The following ZNF124 variants were observed in gnomAD, a reference collection of about 807,000 sequenced individuals.
The protein encoded by ZNF124 is zinc finger protein HZF-16.
ZNF124 carries 25 observed loss-of-function variants against 26.6 expected under a neutral mutation model. The ratio of observed to expected loss-of-function variants is 0.94; its 90% confidence interval spans 0.68 to 1.31. The LOEUF (loss-of-function observed/expected upper bound fraction) is 1.31, where lower values mean the gene tolerates loss of function less well. Ranked by LOEUF, ZNF124 falls within the 40% of genes most tolerant of loss-of-function variation. ZNF124 has a pLI of 0.00. For synonymous variants in ZNF124, 129 were observed against 133.3 expected (o/e 0.97, Z 0.22); for missense variants, 444 against 422.2 (o/e 1.05, Z -0.45).
chr1:247,133,916 G>A (rs1471963171), intron 3 of ZNF124, among the ~76,000 whole-genome samples: 2 of 152,112 alleles, frequency 1.3e-5, no homozygotes, highest in Non-Finnish European at 2.9e-5. Context: ...GCCTCCTAAA[G>A]TGCTGGGATT....
intron 3 of ZNF124, among the ~76,000 whole-genome samples, chr1:247,146,995 T>TGGGTC (rs1672798331): frequency 6.6e-6 from 1 of 152,066 alleles, no homozygotes; most frequent in African/African-American, 2.4e-5. Context: ...TGCTTCCTCA[T>TGGGTC]GGGTCATATG....
chr1:247,131,628 C>T lies in ZNF124; in HGVS notation c.219-7757G>A, dbSNP rs190997959. Among the ~76,000 whole-genome samples the T allele has an allele frequency of 1.4e-3, 207 of 152,340 alleles. 1 individual carries two copies. The highest frequency in any genetic ancestry group is 2.1e-3 in the Non-Finnish European group (145 of 68,026). ...GCCAGGGAGGCTGTACAGCTAGGTC[C>T]CAAGACCTGTCCCTACAGCCCAATA... On this transcript the variant is annotated intron_variant, in intron 3 of 3. Transcript: ENST00000472531.
chr1:247,163,653 T>A (rs1673619822), intron 1 of ZNF124, among the ~76,000 whole-genome samples: 1 of 152,008 alleles, frequency 6.6e-6, no homozygotes, highest in Admixed American at 6.6e-5. Flanking sequence ...AATAAACCTA[T>A]CAAACAGAAA....
chr1:247,152,944 T>C (rs1017733586), downstream of ZNF124, among the ~76,000 whole-genome samples: 33 of 152,180 alleles, frequency 2.2e-4, no homozygotes, highest in African/African-American at 5.3e-4. Flanking sequence ...CCATCCTGGC[T>C]AACACGGTGA....
intron 3 of ZNF124, among the ~76,000 whole-genome samples, chr1:247,148,721 G>A (rs1429856736): frequency 6.6e-6 from 1 of 152,072 alleles, no homozygotes; most frequent in East Asian, 1.9e-4. Context: ...AGCACTTTTG[G>A]AGGCCGAGGC....
At chr1:247,135,091 TA>T (rs1322513263) in intron 3 of ZNF124, among the ~76,000 whole-genome samples, 1 of 152,114 alleles carries the variant, frequency 6.6e-6, no homozygotes, top group Non-Finnish European at 1.5e-5. Context: ...GGGACACAGC[TA>T]AAACAATGTT....
rs1303672901 is a variant in ZNF124 at position 247,158,993 on chromosome 1, G to T, written c.218+13C>A. ...CCCAAGGGGGACTGCTTCCTCTTGT[G>T]AGGGCAAATTACCTTAGATTTCTTG... On this transcript the variant is annotated intron_variant, in intron 3 of 3. Coordinates refer to ENST00000543802, the MANE Select transcript of ZNF124 (RefSeq NM_001297568.2). The T allele has an allele frequency of 6.2e-7, 1 of 1,611,142 alleles. No individual in the cohort carries two copies. Among genetic ancestry groups the T allele is most frequent in the Non-Finnish European group, 8.5e-7 (1 of 1,178,548 alleles).
rs1010088553 is a variant in ZNF124 at position 247,164,367 on chromosome 1, T to C, written c.31-4554A>G. Among the ~76,000 whole-genome samples, 5 of 152,212 alleles carry C rather than the reference T, an allele frequency of 3.3e-5. No individual in the cohort carries two copies. In the East Asian group the frequency reaches 7.7e-4, roughly 23 times the overall value. ...TCCTATACCCCCCAAAACCCCACAG[T>C]CTCTGTTGAAAAGCTCCTGATAAAC... On this transcript the variant is annotated intron_variant, in intron 1 of 3. Coordinates refer to ENST00000543802, the MANE Select transcript of ZNF124 (RefSeq NM_001297568.2).
rs534741199 is a variant in ZNF124, at chr1:247,165,094, G to A, written c.31-5281C>T. On this transcript the variant is annotated intron_variant, in intron 1 of 3. Transcript: ENST00000543802. ...CCATTCTCCTGCCTCAGCCTCCCGAGTAGCTGTGACTACAGGCGCCTGCCA... is the reference window on the plus strand; with the variant it reads ...CCATTCTCCTGCCTCAGCCTCCCGAATAGCTGTGACTACAGGCGCCTGCCA... Among the ~76,000 whole-genome samples, 15 of 152,074 alleles carry A rather than the reference G, an allele frequency of 9.9e-5. No individual in the cohort carries two copies. In the South Asian group the frequency reaches 2.9e-3, roughly 29 times the overall value.
chr1:247,149,337 A>C (rs1399847865), intron 3 of ZNF124, among the ~76,000 whole-genome samples: 1 of 152,212 alleles, frequency 6.6e-6, no homozygotes, highest in Non-Finnish European at 1.5e-5. Context: ...CAGCAAGCCC[A>C]CTTCTGGGAT....
At chr1:247,145,617 C>T (rs947049549) in intron 3 of ZNF124, among the ~76,000 whole-genome samples, 1 of 150,354 alleles carries the variant, frequency 6.7e-6, no homozygotes, top group African/African-American at 2.5e-5. Context: ...AGAACAGGCT[C>T]TTATTAAAAA....
intron 3 of ZNF124, among the ~76,000 whole-genome samples, chr1:247,148,473 TAGA>T (rs1175695486): frequency 1.3e-5 from 2 of 152,206 alleles, no homozygotes; most frequent in African/African-American, 4.8e-5. Flanking sequence ...TCATGGATAT[TAGA>T]AGAAGGCATG....
At chr1:247,123,621 T>C in exon 4 of ZNF124, 1 of 468,414 alleles carries the variant, frequency 2.1e-6, no homozygotes, top group Admixed American at 3.7e-5. Context: ...GTCAGAAGCA[T>C]TCTCTGGAGG....
chr1:247,131,980 C>A (rs1672378819), intron 3 of ZNF124, among the ~76,000 whole-genome samples: 1 of 152,208 alleles, frequency 6.6e-6, no homozygotes. Flanking sequence ...GGGTGAGACC[C>A]TCCAACAGGG....
At chr1:247,162,171 T>C (rs1007469341) in intron 1 of ZNF124, among the ~76,000 whole-genome samples, 2 of 152,106 alleles carry the variant, frequency 1.3e-5, no homozygotes, top group African/African-American at 2.4e-5. Context: ...CGTAAGTACA[T>C]AGACCAGTGA....
chr1:247,128,041 C>T (rs1672253346), intron 3 of ZNF124, among the ~76,000 whole-genome samples: 2 of 152,188 alleles, frequency 1.3e-5, no homozygotes, highest in African/African-American at 4.8e-5. Context: ...CTAGAACTTG[C>T]AGTAAAATTC....
chr1:247,161,017 C>G (rs1673448169), intron 1 of ZNF124, among the ~76,000 whole-genome samples: 1 of 152,190 alleles, frequency 6.6e-6, no homozygotes, highest in Non-Finnish European at 1.5e-5. Flanking sequence ...GATGTCACCT[C>G]TTACAAATGA....
chr1:247,142,792 A>G (rs914131731), intron 3 of ZNF124, among the ~76,000 whole-genome samples: 2 of 151,696 alleles, frequency 1.3e-5, no homozygotes, highest in African/African-American at 4.8e-5. Context: ...TAAAAATTTC[A>G]ATTCATCTTA....
At chr1:247,152,918 G>A (rs12133112), downstream of ZNF124, among the ~76,000 whole-genome samples, 24,607 of 152,052 alleles carry the variant, frequency 0.16, 2,177 homozygotes, top group South Asian at 0.36. Context: ...CGGATCACGA[G>A]GTCAGGAGAT....
Sources: gnomAD v4.1 joint callset for allele counts (sites outside exome capture counted in the v4.1 genomes callset) on GRCh38, gnomAD v4.1.1 for gene constraint, MANE v1.5 for transcripts, NCBI Gene and HGNC (gene_info 2026-07-23, HGNC 2026-07-21) for gene names.